Variants in SPON1 observed in about 807,000 individuals in gnomAD.
SPON1 encodes the protein spondin-1.
SPON1 carries 52 observed loss-of-function variants against 111.7 expected under a neutral mutation model. The observed-to-expected ratio is 0.47, with a 90% CI of 0.37 to 0.59. The LOEUF is 0.59. SPON1 is among the 20% of genes least tolerant of loss of function. The pLI is 0.00. For missense variants in SPON1, 957 were observed against 1,068.5 expected, an observed-to-expected ratio of 0.90 and a Z score of 1.46; for synonymous variants, 410 against 395.8, an observed-to-expected ratio of 1.04 and a Z score of -0.43.
chr11:14,176,934 A>G (rs782708237), intron 6 of SPON1, among the ~76,000 whole-genome samples: 22 of 152,216 alleles, frequency 1.4e-4, no homozygotes, highest in Non-Finnish European at 3.1e-4. Flanking sequence ...GGGAAATTGC[A>G]ACAGAGAAAG....
intron 3 of SPON1, among the ~76,000 whole-genome samples, chr11:14,058,886 C>G (rs1236444967): frequency 2.0e-5 from 3 of 152,178 alleles, no homozygotes; most frequent in East Asian, 1.9e-4. Flanking sequence ...AGATTTGAAC[C>G]CTGGACAGTC....
intron 3 of SPON1, among the ~76,000 whole-genome samples, chr11:14,060,946 TA>T (rs5789819): frequency 5.3e-5 from 8 of 150,826 alleles, no homozygotes; most frequent in East Asian, 1.9e-4. Context: ...TCTAGTTTGG[TA>T]AAAAAAAAGG....
intron 6 of SPON1, among the ~76,000 whole-genome samples, chr11:14,212,314 A>C (rs1848585070): frequency 6.6e-6 from 1 of 152,132 alleles, no homozygotes; most frequent in African/African-American, 2.4e-5. Flanking sequence ...ATTTTTAAAA[A>C]ATTTCTACCT....
At chr11:14,255,467 ATATAG>A (rs2133924391) in intron 8 of SPON1, among the ~76,000 whole-genome samples, 175 bp from the exon 9 acceptor site, 1 of 152,362 alleles carries the variant, frequency 6.6e-6, no homozygotes, top group African/African-American at 2.4e-5. Flanking sequence ...GAATTTTAAA[ATATAG>A]TTCTAGAAAT....
At chr11:14,206,910 A>C (rs1352977778) in intron 6 of SPON1, among the ~76,000 whole-genome samples, 1 of 152,204 alleles carries the variant, frequency 6.6e-6, no homozygotes, top group Non-Finnish European at 1.5e-5. Context: ...GAAACCAAAA[A>C]AGAGCCCAAA....
intron 6 of SPON1, among the ~76,000 whole-genome samples, chr11:14,170,202 G>C (rs1326170248): frequency 6.6e-6 from 1 of 151,990 alleles, no homozygotes; most frequent in African/African-American, 2.4e-5. Flanking sequence ...CCTTGAAGAG[G>C]TCCTTCACAT....
chr11:14,249,489 A>G (rs11023161), intron 7 of SPON1, among the ~76,000 whole-genome samples: 6,747 of 152,194 alleles, frequency 0.044, 194 homozygotes, highest in Non-Finnish European at 0.065. Context: ...TTCTCCACAC[A>G]CACCCCTGCA....
chr11:14,010,551 A>T (rs2618517), intron 2 of SPON1, among the ~76,000 whole-genome samples: 52,943 of 151,958 alleles, frequency 0.35, 10,696 homozygotes, highest in East Asian at 0.69. Context: ...AGAGGAAAAA[A>T]ATCTCCTGCT....
intron 6 of SPON1, among the ~76,000 whole-genome samples, chr11:14,172,535 A>G (rs1209556710): frequency 3.9e-5 from 6 of 152,018 alleles, no homozygotes; most frequent in African/African-American, 1.4e-4. Flanking sequence ...TCCTGTCATT[A>G]TGATGTTAGC....
chr11:13,968,139 C>T (rs915949243), intron 1 of SPON1, among the ~76,000 whole-genome samples: 46 of 152,180 alleles, frequency 3.0e-4, no homozygotes, highest in African/African-American at 1.1e-3. Context: ...CAGACTGTCA[C>T]ATATATATAG....
chr11:14,259,516 T>C lies in SPON1; in HGVS notation c.1664-18T>C. The C allele has an allele frequency of 6.4e-7, 1 of 1,560,030 alleles. No individual in the cohort carries two copies. The highest frequency in any genetic ancestry group is 1.2e-5 in the South Asian group (1 of 84,652). On this transcript the variant is annotated intron_variant, in intron 12 of 15. Transcript: ENST00000576479. This position sits in a 1 kb window ranked among gnomAD's most constrained non-coding sequence, Gnocchi z 5.0. ...GGGGAGGCAGCAGGTGCGACTCCAA[T>C]GCCGCTGGCCTCCCCAGCTCCCAGC...
At chr11:14,182,941 C>T (rs1554933811) in intron 6 of SPON1, among the ~76,000 whole-genome samples, 3 of 152,104 alleles carry the variant, frequency 2.0e-5, no homozygotes, top group East Asian at 1.9e-4. Flanking sequence ...AATTAGTTGC[C>T]GTCCAAGCTA....
Position 14,259,825 on chromosome 11 carries a change from T to A in SPON1, c.1831+124T>A. The A allele has an allele frequency of 9.7e-7, 1 of 1,030,850 alleles. No individual in the cohort carries two copies. The highest frequency in any genetic ancestry group is 1.4e-6 in the Non-Finnish European group (1 of 712,978). 63.9% of individuals were successfully genotyped at this position (1,030,850 alleles called of 1,614,324 possible). On this transcript the variant is annotated intron_variant, in intron 13 of 15. Coordinates refer to ENST00000576479, the MANE Select transcript of SPON1 (RefSeq NM_006108.4). The surrounding 1 kb of genome is among the most constrained non-coding windows in gnomAD (Gnocchi z 5.0). Reference sequence around the variant, plus strand: ...AGAGGAAAGCATGGCCCATGGTCCTTGCTGGGCACTGCTGGGAGCCAGATG... The same window carrying A: ...AGAGGAAAGCATGGCCCATGGTCCTAGCTGGGCACTGCTGGGAGCCAGATG...
At chr11:14,041,754 C>A in intron 3 of SPON1, 100 bp downstream of exon 3, 3 of 1,350,782 alleles carry the variant, frequency 2.2e-6, no homozygotes, top group Non-Finnish European at 3.0e-6. Flanking sequence ...CAGAAAGTTG[C>A]ATCATCTCTC....
At chr11:14,265,302 C>CA (rs1486208499) in intron 15 of SPON1, among the ~76,000 whole-genome samples, 1 of 152,196 alleles carries the variant, frequency 6.6e-6, no homozygotes, top group Non-Finnish European at 1.5e-5. Context: ...GGTGGAGAAA[C>CA]AGAGTCTGCC....
At chr11:14,197,629 C>T (rs1416242956) in intron 6 of SPON1, among the ~76,000 whole-genome samples, 2 of 148,816 alleles carry the variant, frequency 1.3e-5, no homozygotes, top group Non-Finnish European at 3.0e-5. Context: ...GCAGTGGAAC[C>T]GCACCTCTAC....
intron 2 of SPON1, among the ~76,000 whole-genome samples, chr11:14,035,273 T>C (rs1274467097): frequency 1.3e-5 from 2 of 152,138 alleles, no homozygotes; most frequent in African/African-American, 4.8e-5. Flanking sequence ...TATGGCCAAG[T>C]AGGGCTGACC....
At chr11:14,209,834 A>G (rs1848555254) in intron 6 of SPON1, among the ~76,000 whole-genome samples, 1 of 152,218 alleles carries the variant, frequency 6.6e-6, no homozygotes. Context: ...AGGAATTGCC[A>G]CACTGTGTTC....
chr11:13,993,658 C>G (rs1416459568), intron 2 of SPON1, among the ~76,000 whole-genome samples: 1 of 152,196 alleles, frequency 6.6e-6, no homozygotes, highest in Non-Finnish European at 1.5e-5. Context: ...GTTATTGCCA[C>G]CTGCCATGCT....
Sources: allele counts gnomAD v4.1 joint callset (sites outside exome capture counted in the v4.1 genomes callset), GRCh38; gene constraint gnomAD v4.1.1; non-coding constraint Gnocchi (gnomAD v3.1); transcripts MANE v1.5; gene names NCBI Gene and HGNC (gene_info 2026-07-23, HGNC 2026-07-21).